HERC5: variants seen among roughly 807,000 people sequenced by gnomAD.
HERC5 encodes the protein E3 ISG15--protein ligase HERC5.
HERC5 carries 99 observed loss-of-function variants against 119.6 expected under a neutral mutation model. That is an observed-to-expected ratio of 0.83 (90% CI 0.70 to 0.98). The LOEUF (loss-of-function observed/expected upper bound fraction) is 0.98. Among genes scored for constraint, HERC5 ranks in the 50% least tolerant of loss-of-function variants. HERC5 has a pLI of 0.00. For missense variants in HERC5, 1,267 were observed against 1,241.3 expected (o/e 1.02, Z -0.31); for synonymous variants, 478 against 445.9 (o/e 1.07, Z -0.91).
At chr4:88,460,213 C>T (rs764154998) in intron 3 of HERC5, 42 bp downstream of exon 3, 1 of 1,007,064 alleles carries the variant, frequency 9.9e-7, no homozygotes, top group South Asian at 1.4e-5. Context: ...GAAGTAATAC[C>T]TGTGTGTATA....
In HERC5 at chr4:88,471,930, C is replaced by T. The variant is rs368840895; in HGVS notation, c.1299-479C>T. On this transcript the variant is annotated intron_variant, in intron 10 of 22. Transcript: ENST00000264350. ...CTTTATCTTTTTTCTATGGCCCGCC[C>T]TTCTTCCCTCCCTTCTTTCCTCCCT... 2.3e-4 allele frequency among the ~76,000 whole-genome samples: 34 copies of T among 150,484 alleles called. No individual in the cohort carries two copies. In the East Asian group the frequency reaches 4.7e-3, roughly 21 times the overall value.
intron 11 of HERC5, chr4:88,473,213 T>C (rs1416810854): frequency 6.6e-6 from 1 of 152,056 alleles, no homozygotes; most frequent in East Asian, 1.9e-4. Flanking sequence ...ATTTTACTGG[T>C]TGATATGGGG....
At chr4:88,501,833 C>G (rs1490697686) in intron 20 of HERC5, among the ~76,000 whole-genome samples, 4 of 152,096 alleles carry the variant, frequency 2.6e-5, no homozygotes, top group Non-Finnish European at 4.4e-5. Context: ...GCACCTCGCT[C>G]TGTCACCCAG....
chr4:88,492,930 C>G (rs751020170), intron 16 of HERC5, 82 bp from the exon 17 acceptor site: 113 of 1,329,204 alleles, frequency 8.5e-5, no homozygotes, highest in South Asian at 5.0e-4. Flanking sequence ...TTAATGTTAG[C>G]TATTTACTAT....
At chr4:88,471,666 C>T (rs1000934351) in intron 10 of HERC5, among the ~76,000 whole-genome samples, 6 of 152,134 alleles carry the variant, frequency 3.9e-5, no homozygotes, top group Non-Finnish European at 8.8e-5. Flanking sequence ...GCTGCATGAC[C>T]TTCCATTAGA....
rs1740334116 is a variant in HERC5 at position 88,459,481 on chromosome 4, TTTTTC to T, written c.389+16_389+20del. The T allele has an allele frequency of 6.7e-7, 1 of 1,496,350 alleles. No individual in the cohort carries two copies. The allele number at this position is 1,496,350 out of a possible 1,614,324, so 92.7% of individuals were successfully genotyped here. ...CATGAAACATCTAAGGTAGGGAACT[TTTTTC>T]TTTTATTAAAAATTAATTTTAATCA... is the stretch of plus-strand genomic sequence containing the variant. On this transcript the variant is annotated intron_variant, in intron 2 of 22. Transcript: ENST00000264350.
chr4:88,501,156 T>C (rs758205592), intron 20 of HERC5, among the ~76,000 whole-genome samples, 171 bp downstream of exon 20: 7 of 152,234 alleles, frequency 4.6e-5, no homozygotes, highest in Non-Finnish European at 8.8e-5. Flanking sequence ...ATGGAGTTTA[T>C]ATTGTGGTAA....
chr4:88,470,123 A>G (rs1740818865), intron 9 of HERC5, among the ~76,000 whole-genome samples: 1 of 152,244 alleles, frequency 6.6e-6, no homozygotes, highest in South Asian at 2.1e-4. Context: ...ATTCTGGAAA[A>G]TGATTGTACA....
In HERC5 at chr4:88,467,109, G is replaced by C; in HGVS notation, c.962G>C (p.Gly321Ala). ...VSDLGKVFSF[G>A]SGKDGQLGNG... is the part of the protein sequence containing the mutation. ...GATTTGGGAAAGGTCTTTTCCTTTG[G>C]TTCTGGAAAAGATGGACAACTGGGA... Residue 321 changes from glycine to alanine, a missense_variant, in exon 7 of 23, where the codon GGT (glycine) becomes GCT (alanine). Physicochemically the swap from Gly to Ala is moderately conservative, Grantham distance 60 (BLOSUM62 0). Coordinates refer to ENST00000264350, the MANE Select transcript of HERC5 (RefSeq NM_016323.4). 6.2e-7 allele frequency: 1 copy of C among 1,614,034 alleles called. No homozygotes were observed. The highest frequency in any genetic ancestry group is 8.5e-7 in the Non-Finnish European group (1 of 1,179,942).
At chr4:88,464,420 C>A (rs967272651) in intron 6 of HERC5, among the ~76,000 whole-genome samples, 8 of 152,094 alleles carry the variant, frequency 5.3e-5, no homozygotes, top group African/African-American at 1.9e-4. Flanking sequence ...CTGCCCTGAT[C>A]ACAGTAAAGT....
At chr4:88,467,914 A>G in intron 7 of HERC5, 2 of 980,096 alleles carry the variant, frequency 2.0e-6, no homozygotes, top group Non-Finnish European at 2.4e-6. Context: ...GAAAACGAAC[A>G]GAGTTATTTC....
At chr4:88,504,706 G>A (rs1025202255) in intron 22 of HERC5, 109 bp downstream of exon 22, 11 of 512,024 alleles carry the variant, frequency 2.1e-5, no homozygotes, top group African/African-American at 7.9e-5. Context: ...TCAGAGCTAC[G>A]CCTAGTCCAA....
At chr4:88,499,253 A>G (rs1376595828) in intron 18 of HERC5, among the ~76,000 whole-genome samples, 1 of 152,214 alleles carries the variant, frequency 6.6e-6, no homozygotes, top group African/African-American at 2.4e-5. Context: ...TACATCCCCT[A>G]TGCCTGCTAT....
At chr4:88,479,657 A>G in intron 13 of HERC5, 150 bp downstream of exon 13, 1 of 462,060 alleles carries the variant, frequency 2.2e-6, no homozygotes, top group Non-Finnish European at 3.7e-6. Flanking sequence ...TACATCATAC[A>G]TATAAAGGAA....
chr4:88,501,991 G>A (rs1374372049), intron 20 of HERC5, among the ~76,000 whole-genome samples: 1 of 152,074 alleles, frequency 6.6e-6, no homozygotes, highest in African/African-American at 2.4e-5. Context: ...GTAGAGACAG[G>A]GTTTCACCGT....
In HERC5 at chr4:88,505,953, C is replaced by T; in HGVS notation, c.*75C>T. On this transcript the variant is annotated 3_prime_UTR_variant, in exon 23 of 23. Transcript: ENST00000264350. ...TGTTGTTGTTGTTGTTGTTTCTCTACTTTGTTTTGTTTTAGGCTTTTAGCA... is the reference window on the plus strand; with the variant it reads ...TGTTGTTGTTGTTGTTGTTTCTCTATTTTGTTTTGTTTTAGGCTTTTAGCA... The T allele has an allele frequency of 7.9e-7, 1 of 1,262,074 alleles. No individual in the cohort carries two copies. The highest frequency in any genetic ancestry group is 1.4e-5 in the South Asian group (1 of 71,822). 78.2% of individuals were successfully genotyped at this position (1,262,074 alleles called of 1,614,324 possible).
At chr4:88,461,327 G>A (rs1400884047) in intron 3 of HERC5, among the ~76,000 whole-genome samples, 1 of 152,168 alleles carries the variant, frequency 6.6e-6, no homozygotes, top group African/African-American at 2.4e-5. Flanking sequence ...GTCTAGAGGC[G>A]TGTATGTACA....
At chr4:88,472,348 A>G in intron 10 of HERC5, 61 bp from the exon 11 acceptor site, 1 of 940,242 alleles carries the variant, frequency 1.1e-6, no homozygotes, top group Admixed American at 2.1e-5. Context: ...CAAGCTCTAG[A>G]AGAAACTTTG....
intron 13 of HERC5, among the ~76,000 whole-genome samples, chr4:88,484,896 A>G (rs1035610619): frequency 1.3e-5 from 2 of 152,218 alleles, no homozygotes; most frequent in East Asian, 3.8e-4. Context: ...AAAATCAGTA[A>G]TGCCTTTAAA....
Sources: allele counts gnomAD v4.1 joint callset (sites outside exome capture counted in the v4.1 genomes callset), GRCh38; gene constraint gnomAD v4.1.1; transcripts MANE v1.5; gene names NCBI Gene and HGNC (gene_info 2026-07-23, HGNC 2026-07-21).